The following AOAH variants were observed in gnomAD, a reference collection of about 807,000 sequenced individuals.
AOAH encodes acyloxyacyl hydrolase.
A neutral mutation model predicts 92.2 loss-of-function variants in AOAH; 64 were observed. The ratio of observed to expected loss-of-function variants is 0.69; its 90% CI spans 0.57 to 0.86. The LOEUF (loss-of-function observed/expected upper bound fraction) is 0.86. Among genes scored for constraint, AOAH ranks in the 40% least tolerant of loss-of-function variants. AOAH has a pLI of 0.00. For synonymous variants in AOAH, 263 were observed against 254.5 expected (o/e 1.03, Z -0.32); for missense variants, 656 against 694.6 (o/e 0.94, Z 0.62).
At chr7:36,569,555 T>C (rs1227181564) in intron 13 of AOAH, among the ~76,000 whole-genome samples, 1 of 151,020 alleles carries the variant, frequency 6.6e-6, no homozygotes, top group East Asian at 1.9e-4. Flanking sequence ...TATATAAAAC[T>C]ACCAGATTTA....
At chr7:36,607,236 A>G (rs1791071104) in intron 11 of AOAH, among the ~76,000 whole-genome samples, 1 of 152,218 alleles carries the variant, frequency 6.6e-6, no homozygotes, top group Admixed American at 6.5e-5. Context: ...GCAAAGAAGT[A>G]TCAACTAGCC....
intron 6 of AOAH, among the ~76,000 whole-genome samples, chr7:36,630,649 T>A (rs75543265): frequency 0.019 from 2,858 of 152,122 alleles, 80 homozygotes; most frequent in African/African-American, 0.065. Context: ...ATCTGGATTT[T>A]AAAACGTTTC....
chr7:36,540,241 T>C (rs1340583634), intron 16 of AOAH, 78 bp downstream of exon 16: 4 of 1,338,172 alleles, frequency 3.0e-6, no homozygotes, highest in Non-Finnish European at 4.0e-6. Flanking sequence ...CACATTTCTA[T>C]ATGGTTTGAA....
intron 13 of AOAH, chr7:36,550,352 G>A (rs2116329688): frequency 7.0e-6 from 1 of 143,674 alleles, no homozygotes; most frequent in Non-Finnish European, 1.5e-5. Context: ...AGAGAGACTT[G>A]TCTCAAAAAA....
chr7:36,579,377 C>A (rs1342957533), intron 12 of AOAH, among the ~76,000 whole-genome samples: 2 of 149,450 alleles, frequency 1.3e-5, no homozygotes, highest in Non-Finnish European at 3.0e-5. Context: ...ACCCCGCCCC[C>A]CCCAAATTGT....
At chr7:36,669,887 G>C (rs1795802843) in intron 3 of AOAH, among the ~76,000 whole-genome samples, 1 of 152,202 alleles carries the variant, frequency 6.6e-6, no homozygotes, top group Non-Finnish European at 1.5e-5. Flanking sequence ...AAGCAACACA[G>C]CCAGACAGAG....
chr7:36,668,563 T>C (rs1221192454), intron 3 of AOAH, among the ~76,000 whole-genome samples: 1 of 152,244 alleles, frequency 6.6e-6, no homozygotes, highest in Non-Finnish European at 1.5e-5. Flanking sequence ...CTCAGCTCAC[T>C]GCAACCTTCG....
intron 1 of AOAH, among the ~76,000 whole-genome samples, chr7:36,692,411 A>G (rs1797459222): frequency 6.6e-6 from 1 of 152,112 alleles, no homozygotes; most frequent in Admixed American, 6.6e-5. Context: ...ATTACATTTG[A>G]GTAGATTAGA....
intron 19 of AOAH, among the ~76,000 whole-genome samples, chr7:36,530,054 T>C (rs967410976): frequency 2.6e-5 from 4 of 152,162 alleles, no homozygotes; most frequent in African/African-American, 9.7e-5. Flanking sequence ...TGCCACCATA[T>C]CCCTCATTTC....
At chr7:36,718,959 G>A (rs1799440670) in intron 1 of AOAH, among the ~76,000 whole-genome samples, 1 of 152,098 alleles carries the variant, frequency 6.6e-6, no homozygotes, top group Admixed American at 6.6e-5. Context: ...CAATAAAGCT[G>A]TTATTTAAAA....
chr7:36,703,780 G>A (rs1018244996), intron 1 of AOAH, among the ~76,000 whole-genome samples: 4 of 152,306 alleles, frequency 2.6e-5, no homozygotes, highest in Non-Finnish European at 5.9e-5. Flanking sequence ...ATGTGTGCAT[G>A]TATCTTTATA....
At chr7:36,706,751 C>T (rs1482985116) in intron 1 of AOAH, among the ~76,000 whole-genome samples, 1 of 152,158 alleles carries the variant, frequency 6.6e-6, no homozygotes, top group African/African-American at 2.4e-5. Flanking sequence ...AGCATGTGTT[C>T]CTTCACCTTG....
intron 12 of AOAH, among the ~76,000 whole-genome samples, chr7:36,577,276 G>C (rs1045691029): frequency 6.6e-6 from 1 of 152,088 alleles, no homozygotes; most frequent in Non-Finnish European, 1.5e-5. Context: ...TTCTGGTAAC[G>C]CTTCTTAGGA....
chr7:36,693,871 G>A (rs1193693522), intron 1 of AOAH, among the ~76,000 whole-genome samples: 3 of 152,174 alleles, frequency 2.0e-5, no homozygotes, highest in South Asian at 2.1e-4. Context: ...TGTTAAACAC[G>A]TAAGTACTGA....
chr7:36,604,238 G>A (rs1268248037), intron 11 of AOAH, among the ~76,000 whole-genome samples: 3 of 152,188 alleles, frequency 2.0e-5, no homozygotes, highest in Non-Finnish European at 2.9e-5. Context: ...CCAACATTCA[G>A]ACCATTGCAA....
intron 11 of AOAH, among the ~76,000 whole-genome samples, chr7:36,608,902 CGGCGGGG>C (rs927189378): frequency 6.0e-5 from 1 of 16,634 alleles, no homozygotes; most frequent in African/African-American, 2.2e-4. Context: ...GGAGCTGTTG[CGGCGGGG>C]AGGGGGGGGG....
intron 3 of AOAH, among the ~76,000 whole-genome samples, chr7:36,668,767 G>A (rs910887122): frequency 3.9e-5 from 6 of 152,204 alleles, no homozygotes; most frequent in East Asian, 3.9e-4. Context: ...GATTACAGGC[G>A]TGAGCCATCA....
intron 4 of AOAH, among the ~76,000 whole-genome samples, chr7:36,644,100 G>C (rs1039303757): frequency 2.6e-5 from 4 of 152,234 alleles, no homozygotes; most frequent in African/African-American, 9.6e-5. Flanking sequence ...CAATGTAGGA[G>C]AGAAGATTGA....
chr7:36,624,857 C>G (rs1013559250), intron 6 of AOAH, among the ~76,000 whole-genome samples: 12 of 152,218 alleles, frequency 7.9e-5, no homozygotes, highest in Admixed American at 1.3e-4. Flanking sequence ...CTCCCTTTTG[C>G]TTCTTCTGTC....
Sources: allele counts gnomAD v4.1 joint callset (sites outside exome capture counted in the v4.1 genomes callset), GRCh38; gene constraint gnomAD v4.1.1; transcripts MANE v1.5; gene names NCBI Gene and HGNC (gene_info 2026-07-23, HGNC 2026-07-21).